The following DOCK2 variants were observed in gnomAD, a reference collection of about 807,000 sequenced individuals.
DOCK2 encodes the protein dedicator of cytokinesis 2.
A neutral mutation model predicts 248.9 loss-of-function variants in DOCK2; 87 were observed. The observed-to-expected ratio is 0.35, with a 90% CI of 0.29 to 0.42. The LOEUF (loss-of-function observed/expected upper bound fraction) is 0.42. Ranked by LOEUF, DOCK2 falls within the 10% of genes least tolerant of loss-of-function variation. DOCK2 has a pLI of 1.00. For synonymous variants in DOCK2, 805 were observed against 821.6 expected, an observed-to-expected ratio of 0.98 and a Z score of 0.35; for missense variants, 1,747 against 2,300.2, an observed-to-expected ratio of 0.76 and a Z score of 4.92.
rs1322184578 is a variant in DOCK2 at position 169,763,231 on chromosome 5, T to C, written c.2554+1606T>C. On this transcript the variant is annotated intron_variant, in intron 25 of 51. Transcript: ENST00000520908. This position sits in a 1 kb window ranked among gnomAD's most constrained non-coding sequence, Gnocchi z 4.1. ...TGAGACTTCCATGGTTTTAAAGTTCTGATTTCCACCTCCAAATAAATTTCC... is the reference window on the plus strand; with the variant it reads ...TGAGACTTCCATGGTTTTAAAGTTCCGATTTCCACCTCCAAATAAATTTCC... Among the ~76,000 whole-genome samples the C allele has an allele frequency of 6.6e-6, 1 of 152,226 alleles. No individual in the cohort carries two copies. The highest frequency in any genetic ancestry group is 2.4e-5 in the African/African-American group (1 of 41,458).
intron 27 of DOCK2, among the ~76,000 whole-genome samples, chr5:169,964,741 G>C (rs1031026166): frequency 2.6e-5 from 4 of 152,214 alleles, no homozygotes; most frequent in South Asian, 4.1e-4. Context: ...GCTGAGTATA[G>C]TTTCAGATGA....
At chr5:169,883,341 G>A (rs1271914364) in intron 27 of DOCK2, 9 of 1,551,514 alleles carry the variant, frequency 5.8e-6, no homozygotes, top group Non-Finnish European at 7.8e-6. Context: ...CTGCTTCCAA[G>A]CATATGCTAA....
chr5:169,894,722 G>A (rs114378834), intron 27 of DOCK2, among the ~76,000 whole-genome samples: 1 of 152,180 alleles, frequency 6.6e-6, no homozygotes, highest in South Asian at 2.1e-4. Flanking sequence ...ACACACAGTA[G>A]GTGCTCAGTA....
chr5:170,015,769 A>G (rs1755507914), intron 32 of DOCK2, among the ~76,000 whole-genome samples: 1 of 151,508 alleles, frequency 6.6e-6, no homozygotes, highest in Non-Finnish European at 1.5e-5. Flanking sequence ...TTCTCAGCCA[A>G]GTTCACAAAA....
At chr5:169,862,238 T>C (rs928261573) in intron 27 of DOCK2, among the ~76,000 whole-genome samples, 13 of 152,220 alleles carry the variant, frequency 8.5e-5, no homozygotes, top group African/African-American at 3.1e-4. Context: ...GGCCGGGAAA[T>C]TTAAGCCATT....
chr5:170,020,071 G>T (rs1359479275), intron 33 of DOCK2, among the ~76,000 whole-genome samples: 1 of 152,062 alleles, frequency 6.6e-6, no homozygotes, highest in African/African-American at 2.4e-5. Flanking sequence ...AATCCCCACA[G>T]AATAAAGCCC....
chr5:169,891,006 A>G (rs1773249511), intron 27 of DOCK2, among the ~76,000 whole-genome samples: 2 of 152,192 alleles, frequency 1.3e-5, no homozygotes, highest in Admixed American at 6.5e-5. Flanking sequence ...AACTAGTTCC[A>G]TAACTTTCAG....
At chr5:169,719,281 T>A (rs1033253855) in intron 22 of DOCK2, among the ~76,000 whole-genome samples, 6 of 152,186 alleles carry the variant, frequency 3.9e-5, no homozygotes, top group African/African-American at 7.2e-5. Flanking sequence ...AAGATTTTGA[T>A]GGTCAGTATC....
intron 30 of DOCK2, among the ~76,000 whole-genome samples, chr5:170,006,007 A>G (rs1335990390): frequency 6.6e-6 from 1 of 152,212 alleles, no homozygotes; most frequent in Non-Finnish European, 1.5e-5. Context: ...ACTCATTTCC[A>G]TGTCCTGTGG....
chr5:169,882,696 T>C (rs1772725974), intron 27 of DOCK2: 2 of 1,552,054 alleles, frequency 1.3e-6, no homozygotes, highest in Non-Finnish European at 8.7e-7. Context: ...CCAGGTGAAT[T>C]TGATTAATGT....
intron 5 of DOCK2, among the ~76,000 whole-genome samples, chr5:169,672,954 C>T (rs760504945): frequency 1.3e-4 from 20 of 152,206 alleles, no homozygotes; most frequent in South Asian, 6.2e-4. Flanking sequence ...TCCGTGTCCT[C>T]GGCACACCAC....
chr5:169,737,941 T>A (rs1466502271), intron 22 of DOCK2, among the ~76,000 whole-genome samples: 1 of 152,156 alleles, frequency 6.6e-6, no homozygotes, highest in East Asian at 1.9e-4. Context: ...AGCCAGTTGG[T>A]CAGAGGCACA....
intron 30 of DOCK2, among the ~76,000 whole-genome samples, chr5:170,004,894 A>G (rs1197963056): frequency 7.2e-6 from 1 of 139,178 alleles, no homozygotes; most frequent in African/African-American, 2.7e-5. Flanking sequence ...AGGAAAGGGA[A>G]TATCACACTC....
chr5:169,921,736 G>A (rs578148691), intron 27 of DOCK2, among the ~76,000 whole-genome samples: 1 of 152,328 alleles, frequency 6.6e-6, no homozygotes, highest in South Asian at 2.1e-4. Context: ...TGAAATGATT[G>A]CTTTCTTGAG....
At chr5:169,689,765 A>G (rs1262505120) in intron 9 of DOCK2, among the ~76,000 whole-genome samples, 1 of 152,222 alleles carries the variant, frequency 6.6e-6, no homozygotes, top group Non-Finnish European at 1.5e-5. Context: ...TTTCTAGAAT[A>G]TTGACTGCCT....
At chr5:170,034,882 C>G (rs983380054) in intron 35 of DOCK2, among the ~76,000 whole-genome samples, 1 of 152,080 alleles carries the variant, frequency 6.6e-6, no homozygotes, top group Non-Finnish European at 1.5e-5. Context: ...GGGTTTCCAT[C>G]CTATATCTGA....
chr5:169,762,378 A>T (rs1391861912), intron 25 of DOCK2, among the ~76,000 whole-genome samples: 1 of 152,128 alleles, frequency 6.6e-6, no homozygotes, highest in African/African-American at 2.4e-5. Context: ...TTTTTGGGAG[A>T]TCATGGAATG....
chr5:170,013,179 C>A (rs923446532), intron 32 of DOCK2, among the ~76,000 whole-genome samples: 2 of 152,062 alleles, frequency 1.3e-5, no homozygotes, highest in Non-Finnish European at 2.9e-5. Flanking sequence ...GGGGAGCAAC[C>A]AGCCCAGCAA....
At chr5:169,924,646 C>G (rs1018992491) in intron 27 of DOCK2, among the ~76,000 whole-genome samples, 1 of 152,168 alleles carries the variant, frequency 6.6e-6, no homozygotes. Context: ...ATTAGCAACC[C>G]CATCCTGCTT....
Sources: allele counts gnomAD v4.1 joint callset (sites outside exome capture counted in the v4.1 genomes callset), GRCh38; gene constraint gnomAD v4.1.1; non-coding constraint Gnocchi (gnomAD v3.1); transcripts MANE v1.5; gene names NCBI Gene and HGNC (gene_info 2026-07-23, HGNC 2026-07-21).